NF1: variants seen among roughly 807,000 people sequenced by gnomAD.
The protein encoded by NF1 is neurofibromin.
In NF1, 122 loss-of-function variants were observed where a neutral mutation model predicts 325.7. That is an observed-to-expected ratio of 0.37 (90% CI 0.32 to 0.44). The LOEUF (loss-of-function observed/expected upper bound fraction) is 0.44, where lower values mean the gene tolerates loss of function less well. Ranked by LOEUF, NF1 falls within the 20% of genes least tolerant of loss-of-function variation. NF1 has a pLI of 1.00. For missense variants in NF1, 2,140 were observed against 3,415.4 expected (o/e 0.63, Z 9.31); for synonymous variants, 1,091 against 1,186.0 (o/e 0.92, Z 1.65).
chr17:31,304,803 G>C (rs2068664018), intron 36 of NF1: 1 of 1,613,874 alleles, frequency 6.2e-7, no homozygotes, highest in Non-Finnish European at 8.5e-7. Flanking sequence ...TAAGTGAAAT[G>C]ATTGATGTAC....
In NF1 at chr17:31,155,960, TTTTTTTTTTC is replaced by T; in HGVS notation, c.61-12_61-3del. 1.3e-6 allele frequency: 2 copies of T among 1,552,034 alleles called. No individual in the cohort carries two copies. The highest frequency in any genetic ancestry group is 2.3e-5 in the East Asian group (1 of 43,350). ...TTTTTAAGGATAAGCTGTTAACGTG[TTTTTTTTTTC>T]TTTTTTTTTCAGCTTCCAATAAAAA... On this transcript the variant is annotated splice_polypyrimidine_tract_variant and intron_variant, in intron 1 of 57. Transcript: ENST00000358273.
At chr17:31,180,142 T>C (rs1053103038) in intron 5 of NF1, among the ~76,000 whole-genome samples, 5 of 152,190 alleles carry the variant, frequency 3.3e-5, no homozygotes, top group South Asian at 4.1e-4. Context: ...CAGGACCAGA[T>C]GGATTCACAG....
chr17:31,190,743 T>A (rs765122573), intron 8 of NF1, among the ~76,000 whole-genome samples: 13 of 152,234 alleles, frequency 8.5e-5, no homozygotes, highest in Non-Finnish European at 1.8e-4. Flanking sequence ...GCATTTAAAA[T>A]TTGTAATAGT....
chr17:31,359,482 A>T (rs955715045), intron 56 of NF1: 1 of 188,978 alleles, frequency 5.3e-6, no homozygotes, highest in Non-Finnish European at 1.1e-5. Flanking sequence ...GTTTTGTGAG[A>T]CGGAGTCTCA....
intron 1 of NF1, among the ~76,000 whole-genome samples, chr17:31,103,624 AGTGCTGGGATTACAGATGCAAGCCACT>A (rs1382388331): frequency 2.6e-5 from 4 of 152,114 alleles, no homozygotes; most frequent in African/African-American, 9.7e-5. Context: ...AGCCTCCCAA[AGTGCTGGGATTACAGATGCAAGCCACT>A]GCACCTGGCC....
intron 12 of NF1, among the ~76,000 whole-genome samples, chr17:31,209,181 T>C (rs888378330): frequency 6.6e-6 from 1 of 152,286 alleles, no homozygotes; most frequent in South Asian, 2.1e-4. Flanking sequence ...CAGATGCCCC[T>C]TGGGGGACAA....
At chr17:31,138,536 T>C (rs188248443) in intron 1 of NF1, 1 of 152,296 alleles carries the variant, frequency 6.6e-6, no homozygotes, top group African/African-American at 2.4e-5. Flanking sequence ...AGTGCTGAGA[T>C]TATAGGTGTG....
At chr17:31,112,180 C>T (rs1913476023) in intron 1 of NF1, among the ~76,000 whole-genome samples, 1 of 152,068 alleles carries the variant, frequency 6.6e-6, no homozygotes, top group Non-Finnish European at 1.5e-5. Context: ...TTTATCCATT[C>T]ACTTGTTGAT....
At chr17:31,276,063 G>A (rs1342674762) in intron 36 of NF1, among the ~76,000 whole-genome samples, 4 of 151,968 alleles carry the variant, frequency 2.6e-5, no homozygotes, top group Non-Finnish European at 4.4e-5. Flanking sequence ...CAAAAAATTA[G>A]CCAGGCTTGG....
rs2067517524 is a variant in NF1, at chr17:31,252,740, A to G, written c.4111-198A>G. On this transcript the variant is annotated intron_variant, in intron 30 of 57. Transcript: ENST00000358273. ...GGGTCTCAACATTTCTTGCTGTTTTAGTGCTTGGCTTAAAAATGTAATAAA... is the reference window on the plus strand; with the variant it reads ...GGGTCTCAACATTTCTTGCTGTTTTGGTGCTTGGCTTAAAAATGTAATAAA... 5 of 577,872 alleles carry G rather than the reference A, an allele frequency of 8.7e-6. No homozygotes were observed. The Admixed American group carries it at 1.5e-4, about 17-fold the overall frequency. 35.8% of individuals were successfully genotyped at this position (577,872 alleles called of 1,614,324 possible).
intron 36 of NF1, among the ~76,000 whole-genome samples, chr17:31,288,341 A>G (rs1364398465): frequency 6.6e-6 from 1 of 152,044 alleles, no homozygotes; most frequent in Non-Finnish European, 1.5e-5. Context: ...TCTAAATGTG[A>G]AACATACTAA....
chr17:31,301,775 G>A (rs182872586), intron 36 of NF1, among the ~76,000 whole-genome samples: 1 of 152,268 alleles, frequency 6.6e-6, no homozygotes, highest in African/African-American at 2.4e-5. Context: ...ACAAACAAAA[G>A]GAGTTGAACC....
At chr17:31,216,375 A>G (rs1304223370) in intron 13 of NF1, among the ~76,000 whole-genome samples, 2 of 152,214 alleles carry the variant, frequency 1.3e-5, no homozygotes, top group Non-Finnish European at 2.9e-5. Context: ...CAAGGTAACC[A>G]TAAGTACATT....
At chr17:31,158,592 T>G (rs2065708617) in intron 2 of NF1, among the ~76,000 whole-genome samples, 2 of 152,316 alleles carry the variant, frequency 1.3e-5, no homozygotes, top group African/African-American at 4.8e-5. Flanking sequence ...AGTATTCATT[T>G]TGAGGATAGT....
intron 5 of NF1, among the ~76,000 whole-genome samples, chr17:31,170,342 G>A (rs188509314): frequency 6.6e-6 from 1 of 152,306 alleles, no homozygotes. Flanking sequence ...TTTAGCTATT[G>A]TAGCACTTTA....
intron 38 of NF1, among the ~76,000 whole-genome samples, 161 bp downstream of exon 38, chr17:31,328,000 C>G (rs2069391637): frequency 6.6e-6 from 1 of 152,176 alleles, no homozygotes; most frequent in South Asian, 2.1e-4. Flanking sequence ...GGGGTATTCA[C>G]ATGAACTGTG....
intron 1 of NF1, among the ~76,000 whole-genome samples, chr17:31,125,589 T>C (rs1402790843): frequency 6.6e-6 from 1 of 151,764 alleles, no homozygotes; most frequent in Non-Finnish European, 1.5e-5. Flanking sequence ...CAGGCTGGAG[T>C]GTAATGGCAC....
intron 36 of NF1, among the ~76,000 whole-genome samples, chr17:31,282,085 T>C (rs970312032): frequency 2.0e-5 from 3 of 151,848 alleles, no homozygotes; most frequent in Admixed American, 2.0e-4. Flanking sequence ...ATCTTTTTTT[T>C]AAGTATACAA....
intron 36 of NF1, chr17:31,318,421 C>A (rs1474458427): frequency 3.7e-6 from 6 of 1,613,912 alleles, no homozygotes; most frequent in Non-Finnish European, 5.1e-6. Flanking sequence ...CTGTTTTGTT[C>A]TTTTCCAAGT....
Sources: gnomAD v4.1 joint callset for allele counts (sites outside exome capture counted in the v4.1 genomes callset) on GRCh38, gnomAD v4.1.1 for gene constraint, MANE v1.5 for transcripts, NCBI Gene and HGNC (gene_info 2026-07-23, HGNC 2026-07-21) for gene names.